ULBP1: variants seen among roughly 807,000 people sequenced by gnomAD.
The protein encoded by ULBP1 is UL16-binding protein 1.
In ULBP1, 28 loss-of-function variants were observed where a neutral mutation model predicts 25.3. The ratio of observed to expected loss-of-function variants is 1.10; its 90% CI spans 0.82 to 1.51. The LOEUF is 1.51. Among genes scored for constraint, ULBP1 ranks in the 40% most tolerant of loss-of-function variants. The pLI is 0.00. For missense variants in ULBP1, 348 were observed against 290.9 expected, an observed-to-expected ratio of 1.20 and a Z score of -1.43; for synonymous variants, 129 against 103.0, an observed-to-expected ratio of 1.25 and a Z score of -1.53.
chr6:149,971,259 C>G (rs1392909164), intron 4 of ULBP1, 110 bp from the exon 5 acceptor site: 1 of 780,654 alleles, frequency 1.3e-6, no homozygotes, highest in African/African-American at 1.9e-5. Flanking sequence ...AAGCATGTTT[C>G]TTATTTGTGG....
intron 1 of ULBP1, among the ~76,000 whole-genome samples, chr6:149,965,352 C>G (rs1779187385): frequency 6.6e-6 from 1 of 152,246 alleles, no homozygotes; most frequent in African/African-American, 2.4e-5. Context: ...ACTCAGTTCC[C>G]CTCCGGGGCT....
At chr6:149,968,960 C>A in intron 2 of ULBP1, 90 bp downstream of exon 2, 31 of 1,553,936 alleles carry the variant, frequency 2.0e-5, no homozygotes, top group Non-Finnish European at 2.6e-5. Context: ...AAGTTTGTGT[C>A]ACCCAAGAGG....
At chr6:149,964,852 TCCCCGAACATCGCGGTCC>T (rs1256159948) in intron 1 of ULBP1, among the ~76,000 whole-genome samples, 23 of 91,172 alleles carry the variant, frequency 2.5e-4, no homozygotes, top group East Asian at 2.2e-3. Context: ...TAACGCGGTC[TCCCCGAACATCGCGGTCC>T]CCCCGAACAT....
chr6:149,968,633 A>G lies in ULBP1; in HGVS notation c.112A>G (p.Ile38Val), dbSNP rs1779246170. 1.9e-6 allele frequency: 3 copies of G among 1,609,366 alleles called. No homozygotes were observed. The highest frequency in any genetic ancestry group is 2.2e-5 in the East Asian group (1 of 44,746). Reference protein sequence around the residue: ...VDTHCLCYDFIITPKSRPEPQ... With the variant: ...VDTHCLCYDFVITPKSRPEPQ... ...CACACACTGTCTTTGCTATGACTTC[A>G]TCATCACTCCTAAGTCCAGACCTGA... Residue 38 changes from isoleucine (I) to valine (V), a missense_variant, in exon 2 of 5, where the codon ATC becomes GTC. By Grantham distance (29) the Ile-to-Val change is conservative. Coordinates refer to ENST00000229708, the MANE Select transcript of ULBP1 (RefSeq NM_025218.4).
intron 1 of ULBP1, among the ~76,000 whole-genome samples, chr6:149,965,629 C>T (rs1196365591): frequency 6.6e-6 from 1 of 152,154 alleles, no homozygotes; most frequent in Non-Finnish European, 1.5e-5. Context: ...TCAGCCACAG[C>T]CCTGCTCTGC....
chr6:149,968,727 A>G lies in ULBP1; in HGVS notation c.206A>G (p.His69Arg). 7 of 1,614,260 alleles carry G rather than the reference A, an allele frequency of 4.3e-6. No homozygotes were observed. Among genetic ancestry groups the G allele is most frequent in the Non-Finnish European group, 5.9e-6 (7 of 1,180,050 alleles). Residue 69 changes from histidine (H) to arginine (R), a missense_variant, in exon 2 of 5, where the codon CAC becomes CGC. Physicochemically the swap from His to Arg is conservative, Grantham distance 29. Transcript: ENST00000229708. ...RPFLHYDCVN[H>R]KAKAFASLGK... ...TTTCTTCACTATGACTGTGTTAACC[A>G]CAAGGCCAAAGCCTTTGCTTCTCTG...
In ULBP1 at chr6:149,968,837, C is replaced by A; in HGVS notation, c.316C>A (p.Leu106Ile). The change falls in exon 2 of 5, where the codon CTT becomes ATT. Residue 106 changes from leucine (L) to isoleucine (I), a missense_variant. Leu to Ile is a conservative substitution (Grantham distance 5, BLOSUM62 2). Coordinates refer to ENST00000229708, the MANE Select transcript of ULBP1 (RefSeq NM_025218.4). ...GGTGGATTTCCTTAAAGGGCAACTG[C>A]TTGACATTCAAGTGGAGAATTTAAT... ...DVVDFLKGQL[L>I]DIQVENLIPI... The A allele has an allele frequency of 6.2e-7, 1 of 1,614,176 alleles. No individual in the cohort carries two copies. The highest frequency in any genetic ancestry group is 1.3e-5 in the African/African-American group (1 of 75,048).
At chr6:149,967,802 C>G (rs966045567) in intron 1 of ULBP1, among the ~76,000 whole-genome samples, 1 of 152,144 alleles carries the variant, frequency 6.6e-6, no homozygotes, top group African/African-American at 2.4e-5. Context: ...ATTTCAGGAA[C>G]AGCATTTCCT....
chr6:149,972,566 A>G lies in ULBP1; in HGVS notation c.*1220A>G, dbSNP rs1446843333. The G allele has an allele frequency of 1.3e-5, 2 of 152,224 alleles. No homozygotes were observed. The highest frequency in any genetic ancestry group is 6.5e-5 in the Admixed American group (1 of 15,284). The allele number at this position is 152,224 out of a possible 1,614,324, so 9.4% of individuals were successfully genotyped here. On this transcript the variant is annotated 3_prime_UTR_variant, in exon 5 of 5. Coordinates refer to ENST00000229708, the MANE Select transcript of ULBP1 (RefSeq NM_025218.4). ...AAAAGAAACTAGCAACACAGTAAAC[A>G]GACAGCCTGTAGAATGGGGAAAACT...
intron 1 of ULBP1, 125 bp downstream of exon 1, chr6:149,964,259 G>T (rs1488565285): frequency 3.7e-6 from 4 of 1,093,660 alleles, no homozygotes; most frequent in Non-Finnish European, 3.9e-6. Context: ...CGAACATCGC[G>T]GTCTCCCCGA....
rs893376816 is a variant in ULBP1 at position 149,971,866 on chromosome 6, T to C, written c.*520T>C. On this transcript the variant is annotated 3_prime_UTR_variant, in exon 5 of 5. Transcript: ENST00000229708. Reference sequence around the variant, plus strand: ...ACAGTTTCTCATTCTGTCAACCATATTGAAGTGAAGTGGCATAGTCTTCAC... The same window carrying C: ...ACAGTTTCTCATTCTGTCAACCATACTGAAGTGAAGTGGCATAGTCTTCAC... 3 of 152,198 alleles carry C rather than the reference T, an allele frequency of 2.0e-5. No homozygotes were observed. The highest frequency in any genetic ancestry group is 4.4e-5 in the Non-Finnish European group (3 of 68,046). The allele number at this position is 152,198 out of a possible 1,614,324, so 9.4% of individuals were successfully genotyped here. A position where few individuals can be genotyped will look rare whatever the true frequency, so the allele number is the denominator to read the frequency against.
At chr6:149,970,767 C>T (rs115875355) in intron 4 of ULBP1, among the ~76,000 whole-genome samples, 7 of 152,328 alleles carry the variant, frequency 4.6e-5, no homozygotes, top group South Asian at 2.1e-4. Flanking sequence ...GGCCCTGGGG[C>T]GATGCCCCTG....
At chr6:149,965,872 G>T (rs1367159100) in intron 1 of ULBP1, among the ~76,000 whole-genome samples, 1 of 152,002 alleles carries the variant, frequency 6.6e-6, no homozygotes, top group East Asian at 1.9e-4. Context: ...CCATGAAGGG[G>T]CCCTTAGCAC....
At position 149,970,278 on chromosome 6, in the gene ULBP1, C is replaced by G. The variant is rs1261256814; in HGVS notation, c.*22+131C>G. 1.6e-5 allele frequency: 21 copies of G among 1,285,540 alleles called. No homozygotes were observed. The East Asian group carries it at 4.5e-4, about 27-fold the overall frequency. The allele number at this position is 1,285,540 out of a possible 1,614,324, so 79.6% of individuals were successfully genotyped here. ...ACATTAGACAGATGAATGAGACCTG[C>G]TGTCACCTGTTGGCAATGACCTGGG... On this transcript the variant is annotated intron_variant, in intron 4 of 4. Transcript: ENST00000229708.
rs1779263629 is a variant in ULBP1 at position 149,969,251 on chromosome 6, G to A, written c.516G>A (p.Trp172Ter). 6.2e-7 allele frequency: 1 copy of A among 1,614,258 alleles called. No homozygotes were observed. ...HPGAKKMTEK[W>*]EKNRDVTMFF... ...GAGCCAAGAAGATGACAGAGAAGTGGGAGAAGAACAGGGATGTGACCATGT... is the reference window on the plus strand; with the variant it reads ...GAGCCAAGAAGATGACAGAGAAGTGAGAGAAGAACAGGGATGTGACCATGT... Residue 172 changes from tryptophan (W) to a stop codon, truncating the protein, a stop_gained, in exon 3 of 5, where the codon TGG (tryptophan) becomes TGA (stop). Coordinates refer to ENST00000229708, the MANE Select transcript of ULBP1 (RefSeq NM_025218.4). LOFTEE classifies it high-confidence loss of function.
rs1582827578 is a variant in ULBP1, at chr6:149,970,017, A to C, written c.627A>C (p.Lys209Asn). The change falls in exon 4 of 5, where the codon AAA (lysine) becomes AAC (asparagine). Residue 209 changes from lysine to asparagine, a missense_variant and splice_region_variant. Transcript: ENST00000229708. ...GTCACTCCTGTGTTTCCATTTCAGA[A>C]CCACCCTCTCTGGCCCCAGGCACAA... ...MYWEQMLDPTKPPSLAPGTTQ... is the reference protein window; with the variant it reads ...MYWEQMLDPTNPPSLAPGTTQ... The C allele has an allele frequency of 6.2e-7, 1 of 1,610,906 alleles. No homozygotes were observed. The highest frequency in any genetic ancestry group is 1.1e-5 in the South Asian group (1 of 90,262).
At chr6:149,966,224 A>G (rs1197672022) in intron 1 of ULBP1, among the ~76,000 whole-genome samples, 4 of 152,200 alleles carry the variant, frequency 2.6e-5, no homozygotes, top group Admixed American at 1.3e-4. Context: ...GAGCAACAGC[A>G]GGCAATGGTA....
At chr6:149,967,405 A>G (rs369503081) in intron 1 of ULBP1, among the ~76,000 whole-genome samples, 2 of 152,240 alleles carry the variant, frequency 1.3e-5, no homozygotes, top group Non-Finnish European at 2.9e-5. Flanking sequence ...GGGTTGAAGG[A>G]GCCCACCAGG....
chr6:149,972,209 C>G lies in ULBP1; in HGVS notation c.*863C>G, dbSNP rs1016613953. 9.2e-5 allele frequency: 14 copies of G among 152,178 alleles called. No homozygotes were observed. Among genetic ancestry groups the G allele is most frequent in the African/African-American group, 3.1e-4 (13 of 41,514 alleles). 9.4% of individuals were successfully genotyped at this position (152,178 alleles called of 1,614,324 possible). A position where few individuals can be genotyped will look rare whatever the true frequency, so the allele number is the denominator to read the frequency against. Reference sequence around the variant, plus strand: ...AATAATAGAGAGCCCAGAAATCAACCTGCACACCTACCGCCATCTAATCTT... The same window carrying G: ...AATAATAGAGAGCCCAGAAATCAACGTGCACACCTACCGCCATCTAATCTT... On this transcript the variant is annotated 3_prime_UTR_variant, in exon 5 of 5. Transcript: ENST00000229708.
Sources: gnomAD v4.1 joint callset for allele counts (sites outside exome capture counted in the v4.1 genomes callset) on GRCh38, gnomAD v4.1.1 for gene constraint, MANE v1.5 for transcripts, NCBI Gene and HGNC (gene_info 2026-07-23, HGNC 2026-07-21) for gene names.